RUBCN: variants seen among roughly 807,000 people sequenced by gnomAD.
The protein encoded by RUBCN is rubicon autophagy regulator, also known as run domain Beclin-1-interacting and cysteine-rich domain-containing protein.
A neutral mutation model predicts 113.2 loss-of-function variants in RUBCN; 74 were observed. The ratio of observed to expected loss-of-function variants is 0.65; its 90% CI spans 0.54 to 0.79. The LOEUF is 0.79. Ranked by LOEUF, RUBCN falls within the 30% of genes least tolerant of loss-of-function variation. The probability of loss-of-function intolerance (pLI) is 0.00; values close to 1 mark genes in which losing one functional copy is unlikely to be tolerated. For missense variants in RUBCN, 1,109 were observed against 1,251.7 expected (o/e 0.89, Z 1.72); for synonymous variants, 480 against 490.0 (o/e 0.98, Z 0.27).
chr3:197,707,453 C>T (rs1383304021), intron 2 of RUBCN, among the ~76,000 whole-genome samples: 2 of 152,018 alleles, frequency 1.3e-5, no homozygotes, highest in South Asian at 2.1e-4. Flanking sequence ...ATTGATTATT[C>T]AAGAAATATT....
At chr3:197,691,920 T>G (rs1722462943) in intron 11 of RUBCN, among the ~76,000 whole-genome samples, 1 of 152,044 alleles carries the variant, frequency 6.6e-6, no homozygotes, top group Admixed American at 6.5e-5. Flanking sequence ...TGGTGAGAAT[T>G]CCTAAAATTC....
intron 1 of RUBCN, among the ~76,000 whole-genome samples, chr3:197,723,236 G>A (rs746193276): frequency 6.6e-5 from 10 of 152,168 alleles, no homozygotes; most frequent in Admixed American, 3.3e-4. Flanking sequence ...CAGGACTGCA[G>A]TAGCATGATC....
At position 197,705,008 on chromosome 3, in the gene RUBCN, G is replaced by A. The variant is rs983046748; in HGVS notation, c.303+84C>T. 1.0e-5 allele frequency: 11 copies of A among 1,063,222 alleles called. No individual in the cohort carries two copies. The African/African-American group carries it at 1.6e-4, about 15-fold the overall frequency. 65.9% of individuals were successfully genotyped at this position (1,063,222 alleles called of 1,614,324 possible). A position where few individuals can be genotyped will look rare whatever the true frequency, so the allele number is the denominator to read the frequency against. On this transcript the variant is annotated intron_variant, in intron 3 of 19. Coordinates refer to ENST00000296343, the MANE Select transcript of RUBCN (RefSeq NM_014687.4). ...GGCAACTGGACATATTCCCTCCTTG[G>A]AGCCTAGAAGATTCTTCTGACAGAG... is the stretch of plus-strand genomic sequence containing the variant.
chr3:197,704,951 A>G, intron 3 of RUBCN, 141 bp downstream of exon 3: 2 of 780,822 alleles, frequency 2.6e-6, no homozygotes, highest in Admixed American at 4.0e-5. Flanking sequence ...CAGTCCCTAC[A>G]GGGATAATTA....
chr3:197,718,109 C>T lies in RUBCN; in HGVS notation c.87G>A (p.Leu29=). The stretch of plus-strand genomic sequence containing the variant: ...CCTCCACCGTCGTCTTCAAATTACC[C>T]AGCAACTGCCAGTGCTCCCTCCTGC... The part of the protein sequence containing the change: ...EESRREHWQL[L]GNLKTTVEGL... Residue 29 remains leucine, a synonymous_variant, in exon 2 of 20, where the codon CTG becomes CTA. Transcript: ENST00000296343. 6.2e-7 allele frequency: 1 copy of T among 1,614,210 alleles called. No individual in the cohort carries two copies. Among genetic ancestry groups the T allele is most frequent in the Non-Finnish European group, 8.5e-7 (1 of 1,180,038 alleles).
chr3:197,732,505 G>A (rs1475012848), intron 1 of RUBCN, among the ~76,000 whole-genome samples: 5 of 152,094 alleles, frequency 3.3e-5, no homozygotes, highest in Non-Finnish European at 7.3e-5. Flanking sequence ...AGTAGAGACG[G>A]GGTTTCACTG....
intron 2 of RUBCN, among the ~76,000 whole-genome samples, chr3:197,708,716 G>C (rs1724611291): frequency 6.6e-6 from 1 of 152,114 alleles, no homozygotes. Context: ...GGCTTACCAA[G>C]AATCAGTTAT....
In RUBCN at chr3:197,677,545, AAAAG is replaced by A. The variant is rs756737070; in HGVS notation, c.2431-8_2431-5del. 2 of 1,613,910 alleles carry A rather than the reference AAAAG, an allele frequency of 1.2e-6. No individual in the cohort carries two copies. The highest frequency in any genetic ancestry group is 1.7e-5 in the Admixed American group (1 of 60,028). ...GACACAGCTGGACCCGCAGCAGCTGAAAAGAAAGAGAGGGGGGCAGGAGTGGGAG... is the reference window on the plus strand; with the variant it reads ...GACACAGCTGGACCCGCAGCAGCTGAAAAGAGAGGGGGGCAGGAGTGGGAG... On this transcript the variant is annotated splice_region_variant and splice_polypyrimidine_tract_variant and intron_variant, in intron 16 of 19. Coordinates refer to ENST00000296343, the MANE Select transcript of RUBCN (RefSeq NM_014687.4).
At chr3:197,713,441 A>G (rs1725175122) in intron 2 of RUBCN, among the ~76,000 whole-genome samples, 1 of 152,226 alleles carries the variant, frequency 6.6e-6, no homozygotes, top group African/African-American at 2.4e-5. Context: ...AGCCTGGGAA[A>G]CTTGCACTGA....
chr3:197,721,177 G>C (rs1213630990), intron 1 of RUBCN, among the ~76,000 whole-genome samples: 1 of 152,098 alleles, frequency 6.6e-6, no homozygotes, highest in Non-Finnish European at 1.5e-5. Context: ...GAATAATTTG[G>C]GAAGAATTGG....
In RUBCN at chr3:197,674,259, G is replaced by C. The variant is rs1021808451; in HGVS notation, c.*759C>G. 2 of 155,944 alleles carry C rather than the reference G, an allele frequency of 1.3e-5. No individual in the cohort carries two copies. The highest frequency in any genetic ancestry group is 4.8e-5 in the African/African-American group (2 of 41,474). 9.7% of individuals were successfully genotyped at this position (155,944 alleles called of 1,614,324 possible). On this transcript the variant is annotated 3_prime_UTR_variant, in exon 20 of 20. Transcript: ENST00000296343. ...CAGAGCTGGCGCCTCACGTATGCTT[G>C]CGGCGTAAGGCTACAGGTGAGCCTG...
intron 1 of RUBCN, among the ~76,000 whole-genome samples, chr3:197,724,087 C>T (rs1467836343): frequency 6.6e-6 from 1 of 152,158 alleles, no homozygotes; most frequent in African/African-American, 2.4e-5. Flanking sequence ...TTCATCAACT[C>T]ACAACGAAGC....
upstream of RUBCN, chr3:197,736,919 C>T: frequency 1.5e-6 from 2 of 1,355,912 alleles, no homozygotes; most frequent in Non-Finnish European, 1.9e-6. Context: ...ACTTCCGGCT[C>T]CGGGGACTAC....
At position 197,670,432 on chromosome 3, in the gene RUBCN, TC is replaced by T. The variant is rs1343667083; in HGVS notation, c.*4585del. 9.2e-5 allele frequency among the ~76,000 whole-genome samples: 14 copies of T among 152,228 alleles called. No homozygotes were observed. Among genetic ancestry groups the T allele is most frequent in the African/African-American group, 3.4e-4 (14 of 41,458 alleles). ...CATTGTGAATCAATGGTCCTTGTTT[TC>T]CTCTTCAACAGTCTTTCCAATTTTG... On this transcript the variant is annotated 3_prime_UTR_variant, in exon 20 of 20. Coordinates refer to ENST00000296343, the MANE Select transcript of RUBCN (RefSeq NM_014687.4).
intron 2 of RUBCN, among the ~76,000 whole-genome samples, chr3:197,707,813 A>T (rs1021652519): frequency 2.4e-5 from 3 of 127,358 alleles, no homozygotes; most frequent in Non-Finnish European, 3.5e-5. Context: ...AAAGATACAA[A>T]AATTAGCCGG....
chr3:197,680,350 A>G (rs868580594), intron 16 of RUBCN, among the ~76,000 whole-genome samples: 1 of 135,288 alleles, frequency 7.4e-6, no homozygotes, highest in Non-Finnish European at 1.6e-5. Context: ...AGACTGTCCT[A>G]CGCTCTAACT....
intron 1 of RUBCN, among the ~76,000 whole-genome samples, chr3:197,727,651 C>A (rs535357185): frequency 6.6e-6 from 1 of 152,260 alleles, no homozygotes; most frequent in South Asian, 2.1e-4. Context: ...TGCTGTTGGT[C>A]CTCTCACTGA....
intron 4 of RUBCN, 33 bp from the exon 5 acceptor site, chr3:197,703,687 C>A (rs761551895): frequency 7.1e-7 from 1 of 1,416,186 alleles, no homozygotes; most frequent in Non-Finnish European, 1.0e-6. Context: ...AGTGATAGAG[C>A]CCATCAGGGA....
intron 2 of RUBCN, among the ~76,000 whole-genome samples, chr3:197,709,712 T>C (rs1724741341): frequency 6.6e-6 from 1 of 152,086 alleles, no homozygotes; most frequent in African/African-American, 2.4e-5. Context: ...TGAGTGGTGA[T>C]GGCAAATAAA....
Sources: allele counts gnomAD v4.1 joint callset (sites outside exome capture counted in the v4.1 genomes callset), GRCh38; gene constraint gnomAD v4.1.1; transcripts MANE v1.5; gene names NCBI Gene and HGNC (gene_info 2026-07-23, HGNC 2026-07-21).